PLAAT4: variants seen among roughly 807,000 people sequenced by gnomAD.
PLAAT4 encodes HRAS-like suppressor 4.
In PLAAT4, 12 loss-of-function variants were observed where a neutral mutation model predicts 14.1. The ratio of observed to expected loss-of-function variants is 0.85; its 90% CI spans 0.54 to 1.37. PLAAT4 has a LOEUF of 1.37. Ranked by LOEUF, PLAAT4 falls within the 40% of genes most tolerant of loss-of-function variation. The pLI, the probability that PLAAT4 is intolerant of heterozygous loss-of-function variation, is 0.00. For synonymous variants in PLAAT4, 77 were observed against 79.8 expected, an observed-to-expected ratio of 0.96 and a Z score of 0.19; for missense variants, 163 against 211.7, an observed-to-expected ratio of 0.77 and a Z score of 1.43.
rs913686539 is a variant in PLAAT4, at chr11:63,545,033, C to A, written c.387+144C>A. The A allele has an allele frequency of 2.6e-6, 3 of 1,146,850 alleles. No individual in the cohort carries two copies. The Admixed American group carries it at 5.3e-5, about 20-fold the overall frequency. The allele number at this position is 1,146,850 out of a possible 1,614,324, so 71.0% of individuals were successfully genotyped here. A position where few individuals can be genotyped will look rare whatever the true frequency, so the allele number is the denominator to read the frequency against. Reference sequence around the variant, plus strand: ...GAGTCAGGACCTCTGAGCTCCAATGCCAGATCTGCTTCTAATCCACAGAGG... The same window carrying A: ...GAGTCAGGACCTCTGAGCTCCAATGACAGATCTGCTTCTAATCCACAGAGG... On this transcript the variant is annotated intron_variant, in intron 3 of 3. Transcript: ENST00000255688.
chr11:63,541,558 G>T, intron 2 of PLAAT4, among the ~76,000 whole-genome samples: 1 of 135,570 alleles, frequency 7.4e-6, no homozygotes. Context: ...CTGAGACAGT[G>T]TCTTACTCTG....
chr11:63,545,169 G>A, intron 3 of PLAAT4: 1 of 594,194 alleles, frequency 1.7e-6, no homozygotes, highest in Non-Finnish European at 3.0e-6. Context: ...AATGGCTCCT[G>A]AAGTTCTGGG....
At position 63,546,183 on chromosome 11, in the gene PLAAT4, C is replaced by T. The variant is rs377604818; in HGVS notation, c.422C>T (p.Thr141Met). ...GCCAAGGTTGAAGTCGGTGTGGCCA[C>T]GGCGCTTGGAATCCTGGTTGTTGCT... is the stretch of plus-strand genomic sequence containing the variant. The part of the protein sequence containing the change: ...EKAKVEVGVA[T>M]ALGILVVAGC... The change falls in exon 4 of 4, where the codon ACG becomes ATG. Residue 141 changes from threonine to methionine, a missense_variant. Thr to Met is a moderately conservative substitution (Grantham distance 81, BLOSUM62 -1). Coordinates refer to ENST00000255688, the MANE Select transcript of PLAAT4 (RefSeq NM_004585.5). 3.7e-6 allele frequency: 6 copies of T among 1,607,732 alleles called. No individual in the cohort carries two copies. Among genetic ancestry groups the T allele is most frequent in the Middle Eastern group, 1.7e-4 (1 of 6,054 alleles).
intron 2 of PLAAT4, among the ~76,000 whole-genome samples, chr11:63,540,393 T>A (rs986575888): frequency 5.3e-5 from 8 of 152,252 alleles, no homozygotes; most frequent in African/African-American, 9.6e-5. Flanking sequence ...TACATTTTTT[T>A]AAAATTCTCA....
chr11:63,544,707 G>C lies in PLAAT4; in HGVS notation c.205G>C (p.Val69Leu), dbSNP rs35502888. 3.6e-4 allele frequency: 585 copies of C among 1,614,216 alleles called. 1 individual carries two copies. In the South Asian group the frequency reaches 6.2e-3, roughly 17 times the overall value. Residue 69 changes from valine (V) to leucine (L), a missense_variant, in exon 3 of 4, where the codon GTG becomes CTG. Transcript: ENST00000255688. The part of the protein sequence containing the change: ...EVKRERLEDV[V>L]GGCCYRVNNS... ...GAAACGGGAGCGCCTGGAAGATGTG[G>C]TGGGAGGCTGTTGCTATCGGGTCAA...
At chr11:63,545,258 C>G in intron 3 of PLAAT4, 1 of 499,792 alleles carries the variant, frequency 2.0e-6, no homozygotes, top group Admixed American at 3.3e-5. Context: ...GCAAGGGACG[C>G]TCAGGGTCCG....
At chr11:63,537,701 C>A (rs1313086334) in intron 1 of PLAAT4, among the ~76,000 whole-genome samples, 5 of 152,208 alleles carry the variant, frequency 3.3e-5, no homozygotes, top group African/African-American at 1.2e-4. Context: ...CCCTCTCTCT[C>A]CCCACATGGA....
At chr11:63,539,453 C>T in intron 1 of PLAAT4, 63 bp from the exon 2 acceptor site, 2 of 1,373,924 alleles carry the variant, frequency 1.5e-6, no homozygotes, top group Non-Finnish European at 1.0e-6. Flanking sequence ...GCAGCTCCCC[C>T]AGCCAGGGTC....
At chr11:63,537,269 C>T (rs569589250) in intron 1 of PLAAT4, among the ~76,000 whole-genome samples, 45 of 152,280 alleles carry the variant, frequency 3.0e-4, no homozygotes, top group African/African-American at 1.0e-3. Context: ...AGTCCCTTCT[C>T]GGCCCCAAAC....
intron 2 of PLAAT4, among the ~76,000 whole-genome samples, chr11:63,543,450 C>G (rs2017337348): frequency 6.6e-6 from 1 of 152,216 alleles, no homozygotes; most frequent in South Asian, 2.1e-4. Flanking sequence ...AGATGATAGG[C>G]GTGTGCCACC....
At position 63,545,110 on chromosome 11, in the gene PLAAT4, G is replaced by T. The variant is rs1354491287; in HGVS notation, c.387+221G>T. On this transcript the variant is annotated intron_variant, in intron 3 of 3. Coordinates refer to ENST00000255688, the MANE Select transcript of PLAAT4 (RefSeq NM_004585.5). Reference sequence around the variant, plus strand: ...GGCCTCTCCATGTGCAGAGGAGGGGGTGGATGGAGGAGCTCTGAGGATCCT... The same window carrying T: ...GGCCTCTCCATGTGCAGAGGAGGGGTTGGATGGAGGAGCTCTGAGGATCCT... 6.3e-6 allele frequency: 4 copies of T among 632,786 alleles called. No homozygotes were observed. In the East Asian group the frequency reaches 8.2e-5, roughly 13 times the overall value. 39.2% of individuals were successfully genotyped at this position (632,786 alleles called of 1,614,324 possible).
intron 2 of PLAAT4, 52 bp from the exon 3 acceptor site, chr11:63,544,569 C>T (rs1310672992): frequency 1.3e-6 from 2 of 1,555,816 alleles, no homozygotes; most frequent in Non-Finnish European, 1.8e-6. Flanking sequence ...ATTTCAAGCC[C>T]TTCTCTCCCT....
At chr11:63,537,321 CT>C (rs1443850329) in intron 1 of PLAAT4, among the ~76,000 whole-genome samples, 2 of 152,156 alleles carry the variant, frequency 1.3e-5, no homozygotes, top group Non-Finnish European at 2.9e-5. Flanking sequence ...ATCATCCAGC[CT>C]TCTAAGGTGC....
intron 3 of PLAAT4, chr11:63,545,264 G>A (rs575340085): frequency 2.1e-5 from 10 of 487,694 alleles, no homozygotes; most frequent in African/African-American, 1.9e-4. Context: ...GACGCTCAGG[G>A]TCCGTGGACC....
chr11:63,543,040 C>T (rs1477002612), intron 2 of PLAAT4, among the ~76,000 whole-genome samples: 2 of 152,142 alleles, frequency 1.3e-5, no homozygotes, highest in South Asian at 2.1e-4. Flanking sequence ...AATTCTTAAC[C>T]ACGGTAGAAG....
chr11:63,544,665 A>G lies in PLAAT4; in HGVS notation c.163A>G (p.Ser55Gly), dbSNP rs751752482. 7 of 1,613,946 alleles carry G rather than the reference A, an allele frequency of 4.3e-6. No homozygotes were observed. In the African/African-American group the frequency reaches 9.3e-5, roughly 22 times the overall value. Reference sequence around the variant, plus strand: ...CTCCTCCAGTGTCTTCTCAGTCCTGAGCAACAGTGCAGAGGTGAAACGGGA... The same window carrying G: ...CTCCTCCAGTGTCTTCTCAGTCCTGGGCAACAGTGCAGAGGTGAAACGGGA... Reference protein sequence around the residue: ...AGSSSVFSVLSNSAEVKRERL... With the variant: ...AGSSSVFSVLGNSAEVKRERL... The change falls in exon 3 of 4, where the codon AGC (serine) becomes GGC (glycine). Residue 55 changes from serine (S) to glycine (G), a missense_variant. Transcript: ENST00000255688.
At chr11:63,545,811 G>C (rs575277706) in intron 3 of PLAAT4, among the ~76,000 whole-genome samples, 3 of 152,124 alleles carry the variant, frequency 2.0e-5, no homozygotes, top group African/African-American at 4.8e-5. Flanking sequence ...ACCCTAGGAA[G>C]CGAGGCACAA....
intron 2 of PLAAT4, 131 bp from the exon 3 acceptor site, chr11:63,544,490 A>G (rs1284474551): frequency 7.9e-7 from 1 of 1,269,352 alleles, no homozygotes; most frequent in Non-Finnish European, 1.1e-6. Context: ...AATAAAAAAA[A>G]AAAGCAAAAT....
At position 63,546,419 on chromosome 11, in the gene PLAAT4, A is replaced by T. The variant is rs2017367686; in HGVS notation, c.*163A>T. On this transcript the variant is annotated 3_prime_UTR_variant, in exon 4 of 4. Transcript: ENST00000255688. ...CTGGCAAAAGTATGATCTAATTGAA[A>T]CAAGACTGAAGGATCAATAAACAGC... 1 of 633,260 alleles carries T rather than the reference A, an allele frequency of 1.6e-6. No individual in the cohort carries two copies. The highest frequency in any genetic ancestry group is 2.9e-5 in the Admixed American group (1 of 34,940). 39.2% of individuals were successfully genotyped at this position (633,260 alleles called of 1,614,324 possible).
Sources: gnomAD v4.1 joint callset for allele counts (sites outside exome capture counted in the v4.1 genomes callset) on GRCh38, gnomAD v4.1.1 for gene constraint, MANE v1.5 for transcripts, NCBI Gene and HGNC (gene_info 2026-07-23, HGNC 2026-07-21) for gene names.